ZNF777: variants seen among roughly 807,000 people sequenced by gnomAD.
ZNF777 encodes the protein zinc finger protein 777.
Under a neutral mutation model 72.1 loss-of-function variants are expected in ZNF777, and 7 were observed. That is an observed-to-expected ratio of 0.10 (90% confidence interval 0.06 to 0.18). ZNF777 has a LOEUF of 0.18. Ranked by LOEUF, ZNF777 falls within the 10% of genes least tolerant of loss-of-function variation. ZNF777 has a pLI of 1.00. For missense variants in ZNF777, 828 were observed against 1,128.6 expected (o/e 0.73, Z 3.82); for synonymous variants, 545 against 483.5 (o/e 1.13, Z -1.67).
Position 149,432,677 on chromosome 7 carries a change from G to A in ZNF777, c.1595C>T (p.Ala532Val). 1 of 1,613,014 alleles carries A rather than the reference G, an allele frequency of 6.2e-7. No individual in the cohort carries two copies. Among genetic ancestry groups the A allele is most frequent in the Non-Finnish European group, 8.5e-7 (1 of 1,179,618 alleles). The part of the protein sequence containing the change: ...GERHLSENRG[A>V]SSQQQRNRRG... ...CCGGTTCCGCTGCTGCTGGCTCGAG[G>A]CCCCGCGGTTCTCGCTCAGGTGCCG... The change falls in exon 6 of 6, where the codon GCC (alanine) becomes GTC (valine). Residue 532 changes from alanine (A) to valine (V), a missense_variant. By Grantham distance (64) the Ala-to-Val change is moderately conservative (BLOSUM62 0). Around this residue, in one of 12 missense-constraint regions of ZNF777, gnomAD observed 219 missense variants for 223.0 expected, o/e 0.98. Transcript: ENST00000247930.
chr7:149,445,433 C>G (rs2373464), intron 4 of ZNF777, among the ~76,000 whole-genome samples: 100,394 of 152,042 alleles, frequency 0.66, 34,399 homozygotes, highest in African/African-American at 0.85. Flanking sequence ...ACAGGGAGCT[C>G]AGTGCATTTG....
chr7:149,457,373 T>C (rs894330291), intron 1 of ZNF777, among the ~76,000 whole-genome samples: 1 of 152,226 alleles, frequency 6.6e-6, no homozygotes, highest in Non-Finnish European at 1.5e-5. Flanking sequence ...ATGCTCTATA[T>C]CCAAGTGGTC....
intron 5 of ZNF777, among the ~76,000 whole-genome samples, chr7:149,433,725 C>T (rs1402091123): frequency 1.3e-5 from 2 of 152,360 alleles, no homozygotes; most frequent in South Asian, 2.1e-4. Context: ...CAGTCAGACT[C>T]GACCACCCTT....
At chr7:149,456,576 G>C (rs868854835) in intron 1 of ZNF777, among the ~76,000 whole-genome samples, 3 of 152,336 alleles carry the variant, frequency 2.0e-5, no homozygotes, top group Middle Eastern at 6.8e-3. Context: ...TCTCCCAGCA[G>C]GGGTGGGGGG....
At chr7:149,456,497 C>T (rs2116609281) in intron 1 of ZNF777, among the ~76,000 whole-genome samples, 1 of 152,294 alleles carries the variant, frequency 6.6e-6, no homozygotes, top group African/African-American at 2.4e-5. Flanking sequence ...GTTGTTGAAG[C>T]ACTGAACATA....
chr7:149,453,384 A>T (rs11982309), intron 3 of ZNF777, among the ~76,000 whole-genome samples: 8,194 of 152,324 alleles, frequency 0.054, 766 homozygotes, highest in African/African-American at 0.19. Context: ...GTGACAACAC[A>T]TTTAAATGTT....
intron 4 of ZNF777, among the ~76,000 whole-genome samples, chr7:149,439,175 T>A (rs1280253051): frequency 2.0e-5 from 3 of 152,006 alleles, no homozygotes; most frequent in Non-Finnish European, 4.4e-5. Context: ...CATTTCTTTC[T>A]CCCTGGAGTT....
intron 4 of ZNF777, among the ~76,000 whole-genome samples, chr7:149,440,665 G>A (rs796956229): frequency 1.1e-5 from 1 of 88,396 alleles, no homozygotes; most frequent in East Asian, 3.7e-4. Context: ...GCAGCCTGTT[G>A]TTTTTTTGTT....
rs1483785199 is a variant in ZNF777 at position 149,436,768 on chromosome 7, A to G, written c.1146T>C (p.Ser382=). The G allele has an allele frequency of 6.2e-7, 1 of 1,613,680 alleles. No homozygotes were observed. Among genetic ancestry groups the G allele is most frequent in the South Asian group, 1.1e-5 (1 of 91,048 alleles). The change falls in exon 5 of 6, where the codon AGT becomes AGC. Residue 382 remains serine, a synonymous_variant. Coordinates refer to ENST00000247930, the MANE Select transcript of ZNF777 (RefSeq NM_015694.3). The surrounding 1 kb of genome is among the most constrained non-coding windows in gnomAD (Gnocchi z 5.0). ...CCATCAGGGGCTCAGGTGTCTCCAA[A>G]CTTTCTGAGCCCTCGTCGTTGGTCT... ...EVQTNDEGSE[S]LETPEPLMGQ...
chr7:149,453,978 G>A lies in ZNF777; in HGVS notation c.973+133C>T, dbSNP rs2116604240. The A allele has an allele frequency of 4.4e-6, 6 of 1,363,842 alleles. No individual in the cohort carries two copies. In the South Asian group the frequency reaches 6.8e-5, roughly 16 times the overall value. 84.5% of individuals were successfully genotyped at this position (1,363,842 alleles called of 1,614,324 possible). A position where few individuals can be genotyped will look rare whatever the true frequency, so the allele number is the denominator to read the frequency against. On this transcript the variant is annotated intron_variant, in intron 3 of 5. Transcript: ENST00000247930. Reference sequence around the variant, plus strand: ...TATATGAGGGCGTTTGCTTTAATTTGTTGTGATCTCTACAACTCTGTTCTC... The same window carrying A: ...TATATGAGGGCGTTTGCTTTAATTTATTGTGATCTCTACAACTCTGTTCTC...
In ZNF777 at chr7:149,431,962, G is replaced by C. The variant is rs1460032935; in HGVS notation, c.2310C>G (p.Arg770=). 3 of 1,610,406 alleles carry C rather than the reference G, an allele frequency of 1.9e-6. No homozygotes were observed. In the African/African-American group the frequency reaches 4.0e-5, roughly 22 times the overall value. ...GGTAGGGCCGCTCGCCTGTGTGGAT[G>C]CGCCGGTGTTCCAGGAGGTGGTGCT... ...IRKHHLLEHR[R]IHTGERPYHC... is the part of the protein sequence containing the mutation. The change falls in exon 6 of 6, where the codon CGC becomes CGG. Residue 770 remains arginine (R), a synonymous_variant. Coordinates refer to ENST00000247930, the MANE Select transcript of ZNF777 (RefSeq NM_015694.3).
chr7:149,446,575 A>G (rs182654232), intron 4 of ZNF777, among the ~76,000 whole-genome samples: 3 of 152,136 alleles, frequency 2.0e-5, no homozygotes, highest in Non-Finnish European at 4.4e-5. Context: ...TTTTTAATCT[A>G]CTTTTGCTTA....
intron 4 of ZNF777, among the ~76,000 whole-genome samples, chr7:149,446,358 A>G (rs1450700136): frequency 6.6e-6 from 1 of 152,140 alleles, no homozygotes; most frequent in Non-Finnish European, 1.5e-5. Context: ...CCTGGCAACA[A>G]GAGCGAAACT....
intron 2 of ZNF777, among the ~76,000 whole-genome samples, chr7:149,454,682 G>A (rs1190484270): frequency 1.3e-5 from 2 of 152,344 alleles, no homozygotes; most frequent in South Asian, 2.1e-4. Flanking sequence ...AGCTCTTTCA[G>A]AACCTTCTGG....
intron 2 of ZNF777, among the ~76,000 whole-genome samples, chr7:149,454,932 C>T (rs1271726926): frequency 1.3e-5 from 2 of 152,208 alleles, no homozygotes; most frequent in African/African-American, 4.8e-5. Flanking sequence ...CGTAGTCTCT[C>T]ACACCATGGA....
intron 1 of ZNF777, among the ~76,000 whole-genome samples, chr7:149,456,276 C>G (rs1200919255): frequency 1.3e-5 from 2 of 152,132 alleles, no homozygotes; most frequent in Non-Finnish European, 2.9e-5. Context: ...AGAGCCATCT[C>G]CTTTTTCACA....
At chr7:149,451,168 G>C in intron 3 of ZNF777, 56 bp from the exon 4 acceptor site, 1 of 1,487,672 alleles carries the variant, frequency 6.7e-7, no homozygotes. Flanking sequence ...ACTGGATGTT[G>C]TTAAGGTATC....
intron 4 of ZNF777, among the ~76,000 whole-genome samples, chr7:149,450,029 A>G (rs1799685243): frequency 6.6e-6 from 1 of 152,206 alleles, no homozygotes; most frequent in South Asian, 2.1e-4. Context: ...GTTCCTAACA[A>G]GACCTGGCTG....
intron 4 of ZNF777, among the ~76,000 whole-genome samples, chr7:149,450,207 A>G (rs529865399): frequency 2.6e-5 from 4 of 152,226 alleles, no homozygotes; most frequent in Non-Finnish European, 5.9e-5. Flanking sequence ...GTTCCAAAGC[A>G]GGGGCTTCAG....
Sources: allele counts gnomAD v4.1 joint callset (sites outside exome capture counted in the v4.1 genomes callset), GRCh38; gene constraint gnomAD v4.1.1; regional missense constraint gnomAD v4.1.1; non-coding constraint Gnocchi (gnomAD v3.1); transcripts MANE v1.5; gene names NCBI Gene and HGNC (gene_info 2026-07-23, HGNC 2026-07-21).